The following SEMA4D variants were observed in gnomAD, a reference collection of about 807,000 sequenced individuals.
SEMA4D encodes the protein semaphorin-4D.
Under a neutral mutation model 74.8 loss-of-function variants are expected in SEMA4D, and 22 were observed. That is an observed-to-expected ratio of 0.29 (90% CI 0.21 to 0.42). The LOEUF (loss-of-function observed/expected upper bound fraction) is 0.42, where lower values mean the gene tolerates loss of function less well. Ranked by LOEUF, SEMA4D falls within the 10% of genes least tolerant of loss-of-function variation. The probability of loss-of-function intolerance (pLI) is 1.00; values close to 1 mark genes in which losing one functional copy is unlikely to be tolerated. For missense variants in SEMA4D, 937 were observed against 1,118.4 expected (o/e 0.84, Z 2.31); for synonymous variants, 445 against 463.7 (o/e 0.96, Z 0.52).
intron 1 of SEMA4D, among the ~76,000 whole-genome samples, chr9:89,460,988 C>G (rs1461450896): frequency 6.6e-6 from 1 of 152,176 alleles, no homozygotes; most frequent in Non-Finnish European, 1.5e-5. Context: ...GGCAGACAAC[C>G]CTATCACCTA....
chr9:89,384,855 G>A, intron 13 of SEMA4D: 1 of 985,392 alleles, frequency 1.0e-6, no homozygotes, highest in Non-Finnish European at 1.2e-6. Flanking sequence ...CTGCTGCCAT[G>A]GCCATGGAGC....
chr9:89,421,339 T>C (rs1382616322), intron 2 of SEMA4D, among the ~76,000 whole-genome samples: 1 of 152,060 alleles, frequency 6.6e-6, no homozygotes, highest in Non-Finnish European at 1.5e-5. Context: ...TACAACACAA[T>C]ACCATTACAC....
chr9:89,370,086 GGGT>G (rs1421833533), intron 16 of SEMA4D, among the ~76,000 whole-genome samples: 2 of 151,582 alleles, frequency 1.3e-5, no homozygotes, highest in Non-Finnish European at 2.9e-5. Flanking sequence ...GTGTGTATGG[GGGT>G]GGTTTTAGGT....
Position 89,368,524 on chromosome 9 carries a change from G to C in SEMA4D, c.1883-4574C>G, listed in dbSNP as rs573487173. On this transcript the variant is annotated intron_variant, in intron 16 of 18. Coordinates refer to the SEMA4D transcript ENST00000339861. ...TTCTGGGGACAAGGACAGTGCAGCTGGGGGTATGCCCTGAGGCCTTGTTGG... is the reference window on the plus strand; with the variant it reads ...TTCTGGGGACAAGGACAGTGCAGCTCGGGGTATGCCCTGAGGCCTTGTTGG... The C allele has an allele frequency of 2.9e-4, 44 of 152,698 alleles. No individual in the cohort carries two copies. The Middle Eastern group carries it at 0.01, about 35-fold the overall frequency. 9.5% of individuals were successfully genotyped at this position (152,698 alleles called of 1,614,324 possible). A position where few individuals can be genotyped will look rare whatever the true frequency, so the allele number is the denominator to read the frequency against.
chr9:89,393,517 C>G (rs370373104), intron 7 of SEMA4D, 45 bp downstream of exon 7: 1 of 1,444,454 alleles, frequency 6.9e-7, no homozygotes, highest in Non-Finnish European at 9.7e-7. Flanking sequence ...AATTAACATG[C>G]CACTGTAATC....
At position 89,381,310 on chromosome 9, in the gene SEMA4D, C is replaced by T. The variant is rs1380691107; in HGVS notation, c.1483G>A (p.Val495Met). The T allele has an allele frequency of 3.3e-5, 51 of 1,533,968 alleles. No individual in the cohort carries two copies. Among genetic ancestry groups the T allele is most frequent in the African/African-American group, 4.1e-5 (3 of 72,622 alleles). Residue 495 changes from valine (V) to methionine (M), a missense_variant, in exon 14 of 16, where the codon GTG becomes ATG. Physicochemically the swap from Val to Met is conservative, Grantham distance 21. Transcript: ENST00000422704. The surrounding 1 kb of genome is among the most constrained non-coding windows in gnomAD (Gnocchi z 4.6). Reference sequence around the variant, plus strand: ...CAGAAGGCCAGCGGGGCCTGGACCACGCCCGAGTTAGAGCCAGCATAGACA... The same window carrying T: ...CAGAAGGCCAGCGGGGCCTGGACCATGCCCGAGTTAGAGCCAGCATAGACA... ...RFVYAGSNSG[V>M]VQAPLAFCGK...
chr9:89,448,083 T>G (rs1853412932), intron 2 of SEMA4D, among the ~76,000 whole-genome samples: 1 of 152,170 alleles, frequency 6.6e-6, no homozygotes, highest in Admixed American at 6.6e-5. Context: ...TAAGTCACAC[T>G]CCCACCTCAG....
intron 2 of SEMA4D, among the ~76,000 whole-genome samples, chr9:89,421,178 T>C (rs116724217): frequency 6.6e-6 from 1 of 152,200 alleles, no homozygotes; most frequent in Non-Finnish European, 1.5e-5. Flanking sequence ...GCTGTGGCTG[T>C]GGACGGGGAG....
In SEMA4D at chr9:89,393,621, T is replaced by C; in HGVS notation, c.449A>G (p.Glu150Gly). 1 of 1,614,172 alleles carries C rather than the reference T, an allele frequency of 6.2e-7. No individual in the cohort carries two copies. Among genetic ancestry groups the C allele is most frequent in the Non-Finnish European group, 8.5e-7 (1 of 1,179,976 alleles). Residue 150 changes from glutamate (E) to glycine (G), a missense_variant, in exon 7 of 16, where the codon GAA (glutamate) becomes GGA (glycine). Physicochemically the swap from Glu to Gly is moderately conservative, Grantham distance 98. Transcript: ENST00000422704. The stretch of plus-strand genomic sequence containing the variant: ...AAAGGGACATCTTCCTTTGCCATCT[T>C]CATTTTTCCCCAGAAACTTAAAGGA... ...LTSFKFLGKN[E>G]DGKGRCPFDP...
chr9:89,433,271 ACAGCAGCCGG>A (rs1414530528), intron 2 of SEMA4D, among the ~76,000 whole-genome samples: 1 of 149,682 alleles, frequency 6.7e-6, no homozygotes, highest in African/African-American at 2.5e-5. Flanking sequence ...AACTGCAGAG[ACAGCAGCCGG>A]CAGCAGACGG....
In SEMA4D at chr9:89,459,820, G is replaced by T. The variant is rs542982041; in HGVS notation, c.-309-3867C>A. Among the ~76,000 whole-genome samples, 4 of 152,308 alleles carry T rather than the reference G, an allele frequency of 2.6e-5. No individual in the cohort carries two copies. In the South Asian group the frequency reaches 8.3e-4, roughly 32 times the overall value. ...CCACAAGACCCAGGCTAAGATTTGA[G>T]GGCCCATGTGGCTAACACGAGGGAG... is the stretch of plus-strand genomic sequence containing the variant. On this transcript the variant is annotated intron_variant, in intron 1 of 15. Coordinates refer to ENST00000422704, the MANE Select transcript of SEMA4D (RefSeq NM_001371194.2).
intron 8 of SEMA4D, 46 bp downstream of exon 8, chr9:89,392,377 A>G (rs2133231898): frequency 7.2e-7 from 1 of 1,392,768 alleles, no homozygotes; most frequent in South Asian, 1.2e-5. Flanking sequence ...GTGTGCACTC[A>G]TGAGGAGACA....
At chr9:89,443,220 C>A (rs571002328) in intron 2 of SEMA4D, among the ~76,000 whole-genome samples, 106 of 152,332 alleles carry the variant, frequency 7.0e-4, no homozygotes, top group Non-Finnish European at 1.3e-3. Flanking sequence ...ACACTACCCC[C>A]CTGGACAGAG....
At chr9:89,478,142 C>T (rs573279714) in intron 1 of SEMA4D, among the ~76,000 whole-genome samples, 1 of 152,326 alleles carries the variant, frequency 6.6e-6, no homozygotes, top group Admixed American at 6.5e-5. Context: ...GCTCAGCCCG[C>T]GCAGTATTTC....
intron 1 of SEMA4D, among the ~76,000 whole-genome samples, chr9:89,482,256 A>T (rs1824776480): frequency 6.6e-6 from 1 of 152,174 alleles, no homozygotes; most frequent in Non-Finnish European, 1.5e-5. Context: ...AAGGCCACCA[A>T]GCAGGCCACA....
chr9:89,491,756 C>G (rs1438158532), intron 1 of SEMA4D, among the ~76,000 whole-genome samples: 2 of 152,158 alleles, frequency 1.3e-5, no homozygotes, highest in Non-Finnish European at 2.9e-5. Flanking sequence ...GTGTTGCAGG[C>G]AAAATGCAGG....
intron 2 of SEMA4D, among the ~76,000 whole-genome samples, chr9:89,432,147 AC>A (rs34112832): frequency 0.18 from 27,739 of 152,158 alleles, 2,734 homozygotes; most frequent in Non-Finnish European, 0.22. Flanking sequence ...TGGCCACTCA[AC>A]CCTCTGCCCC....
At chr9:89,395,428 A>G (rs576044332) in intron 6 of SEMA4D, among the ~76,000 whole-genome samples, 2 of 152,214 alleles carry the variant, frequency 1.3e-5, no homozygotes, top group Non-Finnish European at 2.9e-5. Context: ...CCGTCTCAAA[A>G]AAAAAAAAAA....
At chr9:89,496,610 TC>T (rs1826034986) in intron 1 of SEMA4D, among the ~76,000 whole-genome samples, 1 of 152,174 alleles carries the variant, frequency 6.6e-6, no homozygotes, top group South Asian at 2.1e-4. Context: ...CCTGCTTTCT[TC>T]TTCTGGCTGA....
Sources: gnomAD v4.1 joint callset for allele counts (sites outside exome capture counted in the v4.1 genomes callset) on GRCh38, gnomAD v4.1.1 for gene constraint, Gnocchi (gnomAD v3.1) non-coding constraint, MANE v1.5 for transcripts, NCBI Gene and HGNC (gene_info 2026-07-23, HGNC 2026-07-21) for gene names.